The following RNF144A variants were observed in gnomAD, a reference collection of about 807,000 sequenced individuals.
The protein encoded by RNF144A is E3 ubiquitin-protein ligase RNF144A.
Under a neutral mutation model 38.7 loss-of-function variants are expected in RNF144A, and 11 were observed. The ratio of observed to expected loss-of-function variants is 0.28; its 90% CI spans 0.18 to 0.47. The LOEUF (loss-of-function observed/expected upper bound fraction) is 0.47, where lower values mean the gene tolerates loss of function less well. Ranked by LOEUF, RNF144A falls within the 20% of genes least tolerant of loss-of-function variation. The pLI, the probability that RNF144A is intolerant of heterozygous loss-of-function variation, is 0.99. For synonymous variants in RNF144A, 149 were observed against 143.9 expected, an observed-to-expected ratio of 1.04 and a Z score of -0.25; for missense variants, 316 against 377.2, an observed-to-expected ratio of 0.84 and a Z score of 1.34.
downstream of RNF144A, among the ~76,000 whole-genome samples, chr2:7,046,720 A>C (rs1414957093): frequency 6.6e-6 from 1 of 152,162 alleles, no homozygotes; most frequent in Non-Finnish European, 1.5e-5. Flanking sequence ...CATGCTACCC[A>C]GGGGTGCAAG....
downstream of RNF144A, among the ~76,000 whole-genome samples, chr2:7,046,342 C>T (rs548317149): frequency 2.6e-5 from 4 of 152,308 alleles, no homozygotes; most frequent in East Asian, 1.9e-4. Context: ...AAGCCAACAT[C>T]GAATGGGGCC....
chr2:7,007,104 G>A (rs1209252919), intron 3 of RNF144A, among the ~76,000 whole-genome samples: 30 of 151,966 alleles, frequency 2.0e-4, no homozygotes, highest in Admixed American at 1.9e-3. Flanking sequence ...CCCATTTTGT[G>A]GACTTGACTC....
downstream of RNF144A, among the ~76,000 whole-genome samples, chr2:7,044,359 G>A (rs2103468320): frequency 6.6e-6 from 1 of 152,238 alleles, no homozygotes; most frequent in South Asian, 2.1e-4. Flanking sequence ...TGGGAAAACA[G>A]CTCTTGTATC....
intron 2 of RNF144A, among the ~76,000 whole-genome samples, chr2:6,974,553 ACTG>A (rs1367611703): frequency 6.6e-6 from 1 of 151,232 alleles, no homozygotes; most frequent in Non-Finnish European, 1.5e-5. Context: ...TTGAATTAAC[ACTG>A]CTTTTTTTTT....
chr2:6,941,362 A>G lies in RNF144A; in HGVS notation c.-12+215A>G, dbSNP rs1415056058. On this transcript the variant is annotated intron_variant, in intron 2 of 8. Coordinates refer to ENST00000320892, the MANE Select transcript of RNF144A (RefSeq NM_014746.6). The surrounding 1 kb of genome is among the most constrained non-coding windows in gnomAD (Gnocchi z 6.5). ...TTATTTTATGCCATCATAGTTGTTT[A>G]TACTTTGGAAAGATTTCCAGGTTTA... Among the ~76,000 whole-genome samples the G allele has an allele frequency of 6.6e-6, 1 of 152,206 alleles. No homozygotes were observed. The highest frequency in any genetic ancestry group is 1.5e-5 in the Non-Finnish European group (1 of 68,040).
intron 6 of RNF144A, among the ~76,000 whole-genome samples, chr2:7,058,883 G>A (rs929811050): frequency 1.3e-5 from 2 of 151,988 alleles, no homozygotes; most frequent in African/African-American, 4.8e-5. Context: ...CCGTATACCT[G>A]TATGCTGTGA....
chr2:6,989,137 G>A (rs1669173687), intron 2 of RNF144A, among the ~76,000 whole-genome samples: 1 of 152,180 alleles, frequency 6.6e-6, no homozygotes, highest in African/African-American at 2.4e-5. Flanking sequence ...TTCCTTCTGT[G>A]CCCTGTCAGC....
chr2:7,024,637 C>A, intron 7 of RNF144A, 121 bp downstream of exon 7: 1 of 1,110,832 alleles, frequency 9.0e-7, no homozygotes, highest in Non-Finnish European at 1.3e-6. Flanking sequence ...AACAGTGAAG[C>A]AACACCGTTT....
intron 2 of RNF144A, among the ~76,000 whole-genome samples, chr2:6,976,926 A>G (rs768739390): frequency 1.7e-4 from 26 of 152,302 alleles, no homozygotes; most frequent in Non-Finnish European, 3.5e-4. Flanking sequence ...TGAAAATATT[A>G]TATTCATGCA....
Position 6,943,906 on chromosome 2 carries a change from C to T in RNF144A, c.-12+2759C>T, listed in dbSNP as rs886300961. Among the ~76,000 whole-genome samples, 7 of 152,188 alleles carry T rather than the reference C, an allele frequency of 4.6e-5. No homozygotes were observed. The highest frequency in any genetic ancestry group is 1.4e-4 in the African/African-American group (6 of 41,446). ...GCAGAGCGGTCACCTGAAGCATTCA[C>T]AGCCCACTCGAAGCTCTGGCTCCAG... On this transcript the variant is annotated intron_variant, in intron 2 of 8. Coordinates refer to ENST00000320892, the MANE Select transcript of RNF144A (RefSeq NM_014746.6). This position sits in a 1 kb window ranked among gnomAD's most constrained non-coding sequence, Gnocchi z 4.3.
In RNF144A at chr2:7,042,653, T is replaced by C; in HGVS notation, c.*2893T>C. On this transcript the variant is annotated 3_prime_UTR_variant, in exon 9 of 9. Coordinates refer to ENST00000320892, the MANE Select transcript of RNF144A (RefSeq NM_014746.6). ...CTCTCAGTCTGGCTCTGCTGTGTAG[T>C]CCATAGCCCAGCCAGATGAGCTTGC... The C allele has an allele frequency of 4.1e-6, 4 of 985,394 alleles. No individual in the cohort carries two copies. The highest frequency in any genetic ancestry group is 4.8e-6 in the Non-Finnish European group (4 of 829,958). The allele number at this position is 985,394 out of a possible 1,614,324, so 61.0% of individuals were successfully genotyped here.
chr2:6,947,739 T>C (rs12692331), intron 2 of RNF144A, among the ~76,000 whole-genome samples: 99,055 of 152,140 alleles, frequency 0.65, 36,659 homozygotes, highest in Non-Finnish European at 0.83. Flanking sequence ...GGACAGCCTC[T>C]GCTGCAGGCC....
At chr2:6,959,071 A>G (rs1003814557) in intron 2 of RNF144A, among the ~76,000 whole-genome samples, 6 of 152,094 alleles carry the variant, frequency 3.9e-5, no homozygotes, top group Admixed American at 2.6e-4. Flanking sequence ...CACCTCATTG[A>G]CTCATTCCAA....
chr2:6,960,832 TAA>T (rs1389469410), intron 2 of RNF144A, among the ~76,000 whole-genome samples: 1 of 152,140 alleles, frequency 6.6e-6, no homozygotes, highest in Non-Finnish European at 1.5e-5. Flanking sequence ...TTCACACTCA[TAA>T]GTGGTTTGTT....
chr2:7,001,109 GGCCAAC>G, intron 3 of RNF144A, among the ~76,000 whole-genome samples: 1 of 151,974 alleles, frequency 6.6e-6, no homozygotes, highest in South Asian at 2.1e-4. Flanking sequence ...AGACCAGCCT[GGCCAAC>G]ATGTTGAAAC....
At chr2:7,050,815 G>A (rs1452827961) in intron 6 of RNF144A, among the ~76,000 whole-genome samples, 2 of 152,214 alleles carry the variant, frequency 1.3e-5, no homozygotes, top group Non-Finnish European at 2.9e-5. Flanking sequence ...CATTGGAGGG[G>A]AATGTCGAAG....
chr2:6,942,923 G>A (rs966516532), intron 2 of RNF144A, among the ~76,000 whole-genome samples: 8 of 152,202 alleles, frequency 5.3e-5, no homozygotes, highest in Admixed American at 1.3e-4. Flanking sequence ...GGCGGAGGTC[G>A]CAGTGAGCTG....
At chr2:7,057,417 TC>T (rs1314455930) in intron 6 of RNF144A, among the ~76,000 whole-genome samples, 2 of 151,946 alleles carry the variant, frequency 1.3e-5, no homozygotes, top group South Asian at 4.1e-4. Flanking sequence ...AATTGGGGAG[TC>T]CCTTGGCAAG....
Position 7,024,509 on chromosome 2 carries a change from C to T in RNF144A, c.650C>T (p.Ser217Phe). 6.2e-7 allele frequency: 1 copy of T among 1,606,152 alleles called. No homozygotes were observed. Among genetic ancestry groups the T allele is most frequent in the Non-Finnish European group, 8.5e-7 (1 of 1,173,354 alleles). Residue 217 changes from serine to phenylalanine, a missense_variant, in exon 7 of 9, where the codon TCT (serine) becomes TTT (phenylalanine). Ser to Phe is a radical substitution (Grantham distance 155, BLOSUM62 -2). Coordinates refer to ENST00000320892, the MANE Select transcript of RNF144A (RefSeq NM_014746.6). ...GCCTTCTGCTGGTACTGCCTGGAGTCTCTGGACGTGAGTACGGCCTTCAGC... is the reference window on the plus strand; with the variant it reads ...GCCTTCTGCTGGTACTGCCTGGAGTTTCTGGACGTGAGTACGGCCTTCAGC... ...KHAFCWYCLE[S>F]LDDDFLLIHY...
Sources: allele counts gnomAD v4.1 joint callset (sites outside exome capture counted in the v4.1 genomes callset), GRCh38; gene constraint gnomAD v4.1.1; non-coding constraint Gnocchi (gnomAD v3.1); transcripts MANE v1.5; gene names NCBI Gene and HGNC (gene_info 2026-07-23, HGNC 2026-07-21).